CASP6: variants seen among roughly 807,000 people sequenced by gnomAD.
CASP6 encodes the protein caspase-6.
Under a neutral mutation model 31.8 loss-of-function variants are expected in CASP6, and 20 were observed. That is an observed-to-expected ratio of 0.63 (90% confidence interval 0.44 to 0.91). CASP6 has a LOEUF of 0.91. CASP6 is among the 40% of genes least tolerant of loss of function. CASP6 has a pLI of 0.00. For missense variants in CASP6, 328 were observed against 361.1 expected, an observed-to-expected ratio of 0.91 and a Z score of 0.74; for synonymous variants, 130 against 127.8, an observed-to-expected ratio of 1.02 and a Z score of -0.12.
chr4:109,687,190 ACAAAAAATAC>A (rs1484177687), downstream of CASP6, among the ~76,000 whole-genome samples: 1 of 152,084 alleles, frequency 6.6e-6, no homozygotes, highest in Non-Finnish European at 1.5e-5. Flanking sequence ...CTCCATCTCT[ACAAAAAATAC>A]CAAAAAATAT....
chr4:109,699,051 T>C (rs1460952766), intron 1 of CASP6, among the ~76,000 whole-genome samples: 5 of 152,240 alleles, frequency 3.3e-5, no homozygotes, highest in Non-Finnish European at 7.3e-5. Flanking sequence ...ATGTGTCTAC[T>C]GAGCATTTAA....
At chr4:109,682,824 AT>A in the CASP6 span, 52 of 1,043,120 alleles carry the variant, frequency 5.0e-5, no homozygotes, top group East Asian at 1.4e-3. Context: ...ATTTTTCTGA[AT>A]GCTTTCCATA....
the CASP6 span, among the ~76,000 whole-genome samples, chr4:109,668,698 GTT>G: frequency 2.8e-5 from 4 of 141,398 alleles, no homozygotes; most frequent in African/African-American, 7.7e-5. Flanking sequence ...TGTTGCCACT[GTT>G]TTTTTTTTTC....
chr4:109,693,911 G>C (rs966913953), intron 5 of CASP6, among the ~76,000 whole-genome samples: 1 of 151,594 alleles, frequency 6.6e-6, no homozygotes, highest in Non-Finnish European at 1.5e-5. Flanking sequence ...GCTAATTTTT[G>C]TATTTTTAGT....
At position 109,689,254 on chromosome 4, in the gene CASP6, T is replaced by G; in HGVS notation, c.*76A>C. 1 of 1,371,638 alleles carries G rather than the reference T, an allele frequency of 7.3e-7. No homozygotes were observed. Among genetic ancestry groups the G allele is most frequent in the South Asian group, 1.2e-5 (1 of 81,124 alleles). The allele number at this position is 1,371,638 out of a possible 1,614,324, so 85.0% of individuals were successfully genotyped here. A position where few individuals can be genotyped will look rare whatever the true frequency, so the allele number is the denominator to read the frequency against. On this transcript the variant is annotated 3_prime_UTR_variant, in exon 7 of 7. Coordinates refer to ENST00000265164, the MANE Select transcript of CASP6 (RefSeq NM_001226.4). ...CCTTGGACTCCCAAAGTGCTGGGAT[T>G]ACAGGTGTGAGTAACCACGCCTGGC... is the stretch of plus-strand genomic sequence containing the variant.
chr4:109,674,003 C>G, the CASP6 span: 1 of 1,163,362 alleles, frequency 8.6e-7, no homozygotes, highest in African/African-American at 1.5e-5. Context: ...AGGGGAAATA[C>G]TAAAATGTCC....
chr4:109,698,228 T>C, intron 2 of CASP6, 72 bp downstream of exon 2: 1 of 1,500,102 alleles, frequency 6.7e-7, no homozygotes. Flanking sequence ...GACCCATTCT[T>C]GCTTTGATTT....
chr4:109,689,570 T>C lies in CASP6; in HGVS notation c.644-2A>G, dbSNP rs1561256500. 6.2e-7 allele frequency: 1 copy of C among 1,609,900 alleles called. No homozygotes were observed. The highest frequency in any genetic ancestry group is 1.7e-5 in the Admixed American group (1 of 59,594). ...CAGTTTCCCGGTGAGAATAATATCC[T>C]AAAAAAGTGAGAAGGAAAATGTTGC... On this transcript the variant is annotated splice_acceptor_variant, in intron 6 of 6. Coordinates refer to ENST00000265164, the MANE Select transcript of CASP6 (RefSeq NM_001226.4). LOFTEE classifies it high-confidence loss of function.
At chr4:109,707,248 T>C (rs143105789), upstream of CASP6, among the ~76,000 whole-genome samples, 29 of 152,296 alleles carry the variant, frequency 1.9e-4, no homozygotes, top group African/African-American at 4.8e-4. Context: ...AGGTATCCCA[T>C]AGGGGGTGGC....
chr4:109,704,106 C>A (rs917077012), upstream of CASP6, among the ~76,000 whole-genome samples: 1 of 152,194 alleles, frequency 6.6e-6, no homozygotes. Context: ...TCTCTCTCCC[C>A]CTCCTGGGGC....
chr4:109,693,579 C>T (rs576060976), intron 5 of CASP6, among the ~76,000 whole-genome samples: 15 of 150,816 alleles, frequency 9.9e-5, no homozygotes, highest in Non-Finnish European at 1.6e-4. Context: ...CCCAGCTACT[C>T]GGGAGGCTGA....
In CASP6 at chr4:109,689,524, G is replaced by C. The variant is rs1279352883; in HGVS notation, c.688C>G (p.Gln230Glu). ...RETVNGSWYIQDLCEMLGKYG... is the reference protein window; with the variant it reads ...RETVNGSWYIEDLCEMLGKYG... ...TTTCCCAACATCTCACACAAATCTT[G>C]AATGTACCATGAGCCGTTCACAGTT... The change falls in exon 7 of 7, where the codon CAA becomes GAA. Residue 230 changes from glutamine (Q) to glutamate (E), a missense_variant. Gln to Glu is a conservative substitution (Grantham distance 29, BLOSUM62 2). Transcript: ENST00000265164. The C allele has an allele frequency of 3.1e-6, 5 of 1,614,002 alleles. No homozygotes were observed. The African/African-American group carries it at 6.7e-5, about 22-fold the overall frequency.
At chr4:109,695,017 G>C (rs1170984422) in intron 4 of CASP6, among the ~76,000 whole-genome samples, 3 of 152,106 alleles carry the variant, frequency 2.0e-5, no homozygotes, top group Admixed American at 2.0e-4. Context: ...TTTTAGTAGA[G>C]ACGGGGTTTT....
At chr4:109,690,030 C>G (rs575308899) in intron 6 of CASP6, among the ~76,000 whole-genome samples, 498 of 151,672 alleles carry the variant, frequency 3.3e-3, no homozygotes, top group African/African-American at 0.011. Flanking sequence ...ACTAAAACTA[C>G]AAAAATTAGC....
intron 1 of CASP6, among the ~76,000 whole-genome samples, chr4:109,699,197 C>G (rs945516084): frequency 1.3e-5 from 2 of 152,146 alleles, no homozygotes; most frequent in African/African-American, 4.8e-5. Context: ...CTGTTTTTAC[C>G]TGATAGCTCA....
At chr4:109,675,682 A>T in the CASP6 span, among the ~76,000 whole-genome samples, 2 of 152,178 alleles carry the variant, frequency 1.3e-5, no homozygotes, top group Admixed American at 1.3e-4. Flanking sequence ...TTGGGATGTG[A>T]GGCGTATTGG....
At chr4:109,706,168 TATAC>T (rs1554022992), upstream of CASP6, among the ~76,000 whole-genome samples, 2 of 92,490 alleles carry the variant, frequency 2.2e-5, no homozygotes, top group Admixed American at 1.0e-4. Flanking sequence ...TATATATATA[TATAC>T]ACACACACAT....
chr4:109,687,552 GT>G (rs770423064), downstream of CASP6: 4 of 1,612,638 alleles, frequency 2.5e-6, no homozygotes. Context: ...CATTCTCTCT[GT>G]TTGCAAATGC....
At chr4:109,709,280 G>A in the CASP6 span, among the ~76,000 whole-genome samples, 1 of 152,194 alleles carries the variant, frequency 6.6e-6, no homozygotes, top group Admixed American at 6.5e-5. Context: ...GGGTCCAGCA[G>A]TGTGTTTTAA....
Sources: allele counts gnomAD v4.1 joint callset (sites outside exome capture counted in the v4.1 genomes callset), GRCh38; gene constraint gnomAD v4.1.1; transcripts MANE v1.5; gene names NCBI Gene and HGNC (gene_info 2026-07-23, HGNC 2026-07-21).